The following UTS2B variants were observed in gnomAD, a reference collection of about 807,000 sequenced individuals.
The protein encoded by UTS2B is urotensin-2B.
In UTS2B, 21 loss-of-function variants were observed where a neutral mutation model predicts 19.2. The observed-to-expected ratio is 1.09, with a 90% CI of 0.78 to 1.58. UTS2B has a LOEUF of 1.58. Among genes scored for constraint, UTS2B ranks in the 40% most tolerant of loss-of-function variants. UTS2B has a pLI of 0.00. For missense variants in UTS2B, 138 were observed against 130.3 expected (o/e 1.06, Z -0.29); for synonymous variants, 57 against 50.2 (o/e 1.14, Z -0.58).
chr3:191,332,419 A>T (rs377128458), upstream of UTS2B, among the ~76,000 whole-genome samples: 44 of 152,328 alleles, frequency 2.9e-4, no homozygotes, highest in East Asian at 6.6e-3. Context: ...GTGTCAACAC[A>T]TCATTTTTTC....
chr3:191,287,507 A>G lies in UTS2B; in HGVS notation c.-124-5194T>C, dbSNP rs551741807. 3.9e-5 allele frequency among the ~76,000 whole-genome samples: 6 copies of G among 152,220 alleles called. No homozygotes were observed. The South Asian group carries it at 1.2e-3, about 32-fold the overall frequency. On this transcript the variant is annotated intron_variant, in intron 4 of 8. Transcript: ENST00000340524. ...ATCGAACGAAGAACAAAACTATACA[A>G]TAATTTCAACAGATGCAGAAAAAAC...
chr3:191,303,985 T>C (rs886438477), intron 4 of UTS2B, among the ~76,000 whole-genome samples: 1 of 152,042 alleles, frequency 6.6e-6, no homozygotes, highest in Admixed American at 6.5e-5. Context: ...TTTTTTCTTT[T>C]CTGAGATGGA....
At chr3:191,286,160 T>C (rs1249453687) in intron 4 of UTS2B, among the ~76,000 whole-genome samples, 1 of 152,076 alleles carries the variant, frequency 6.6e-6, no homozygotes, top group Non-Finnish European at 1.5e-5. Flanking sequence ...AAGAGAGAGA[T>C]CAGCTATAAT....
the UTS2B span, among the ~76,000 whole-genome samples, chr3:191,342,440 G>C: frequency 6.6e-6 from 1 of 152,076 alleles, no homozygotes; most frequent in Non-Finnish European, 1.5e-5. Flanking sequence ...TTTGAAAATG[G>C]AAATATCTGA....
chr3:191,275,402 C>T (rs113509375), intron 7 of UTS2B, 57 bp from the exon 8 acceptor site: 74 of 1,443,502 alleles, frequency 5.1e-5, no homozygotes, highest in African/African-American at 3.8e-4. Flanking sequence ...TGCTGTTGAC[C>T]GGGCGCGGTG....
At position 191,289,723 on chromosome 3, in the gene UTS2B, G is replaced by A. The variant is rs1212463526; in HGVS notation, c.-124-7410C>T. Among the ~76,000 whole-genome samples the A allele has an allele frequency of 2.6e-5, 4 of 152,120 alleles. No individual in the cohort carries two copies. In the South Asian group the frequency reaches 6.2e-4, roughly 24 times the overall value. On this transcript the variant is annotated intron_variant, in intron 4 of 8. Coordinates refer to ENST00000340524, the MANE Select transcript of UTS2B (RefSeq NM_198152.5). ...TTATTTGTCATAATTTCACTTTTAT[G>A]TGGAATCTAAGAAAATGTGAACTAT... is the stretch of plus-strand genomic sequence containing the variant.
rs151322256 is a variant in UTS2B at position 191,322,194 on chromosome 3, C to T, written c.-585-5755G>A. 4.8e-3 allele frequency among the ~76,000 whole-genome samples: 722 copies of T among 151,944 alleles called. 2 individuals carry two copies. The highest frequency in any genetic ancestry group is 0.016 in the African/African-American group (680 of 41,400). ...AAACATTTTAGGTAGAGTTGCTAGC[C>T]CATAACTATTTCCAATAATTGGCAG... On this transcript the variant is annotated intron_variant, in intron 2 of 8. Transcript: ENST00000340524.
chr3:191,283,530 G>C (rs1716449041), intron 4 of UTS2B, among the ~76,000 whole-genome samples: 1 of 151,834 alleles, frequency 6.6e-6, no homozygotes, highest in Non-Finnish European at 1.5e-5. Flanking sequence ...TTATGTATTT[G>C]CGAGTCTGCC....
chr3:191,339,351 A>G, the UTS2B span, among the ~76,000 whole-genome samples: 3 of 152,208 alleles, frequency 2.0e-5, no homozygotes, highest in Non-Finnish European at 4.4e-5. Context: ...CAAGGGAGTT[A>G]TGATATAAAA....
chr3:191,311,114 T>A (rs1717289838), intron 3 of UTS2B, among the ~76,000 whole-genome samples: 1 of 152,222 alleles, frequency 6.6e-6, no homozygotes, highest in South Asian at 2.1e-4. Flanking sequence ...CAGACTGGGA[T>A]CAAAACTCCA....
intron 4 of UTS2B, among the ~76,000 whole-genome samples, chr3:191,284,112 G>T (rs1435279033): frequency 2.6e-5 from 4 of 151,930 alleles, no homozygotes; most frequent in South Asian, 2.1e-4. Flanking sequence ...AATGAAATTG[G>T]AAATTTAGAT....
At chr3:191,329,324 TCCCCCTCCCCCAGCCGGCCCGCC>T (rs982014274) in intron 1 of UTS2B, 21 of 258,058 alleles carry the variant, frequency 8.1e-5, no homozygotes, top group Non-Finnish European at 1.4e-4. Context: ...GACCTGCAGC[TCCCCCTCCCCCAGCCGGCCCGCC>T]CGCCTTTCTG....
intron 3 of UTS2B, among the ~76,000 whole-genome samples, 177 bp from the exon 4 acceptor site, chr3:191,304,725 G>A (rs1382224323): frequency 6.6e-6 from 1 of 152,116 alleles, no homozygotes; most frequent in Non-Finnish European, 1.5e-5. Flanking sequence ...TTGTTACATA[G>A]GTAAAAGTGT....
intron 2 of UTS2B, among the ~76,000 whole-genome samples, chr3:191,324,999 G>A (rs1040479581): frequency 2.6e-5 from 4 of 152,034 alleles, no homozygotes; most frequent in African/African-American, 7.2e-5. Context: ...GCAGTGAACC[G>A]AGATTGTGCC....
upstream of UTS2B, among the ~76,000 whole-genome samples, chr3:191,334,732 T>C (rs1718087783): frequency 1.3e-5 from 2 of 152,198 alleles, no homozygotes; most frequent in East Asian, 1.9e-4. Flanking sequence ...TTTTAAATTG[T>C]TCTGTAGATG....
Position 191,287,832 on chromosome 3 carries a change from A to G in UTS2B, c.-124-5519T>C, listed in dbSNP as rs144964126. On this transcript the variant is annotated intron_variant, in intron 4 of 8. Transcript: ENST00000340524. ...AAAGAAAGAAAGGAAAGACATCCAT[A>G]TAGGAAAGGAAGAAGTTAAATTGTC... 5.5e-3 allele frequency among the ~76,000 whole-genome samples: 840 copies of G among 152,218 alleles called. 11 individuals carry two copies. Among genetic ancestry groups the G allele is most frequent in the African/African-American group, 0.019 (772 of 41,582 alleles).
chr3:191,307,717 C>G (rs1717178206), intron 3 of UTS2B, among the ~76,000 whole-genome samples: 1 of 152,176 alleles, frequency 6.6e-6, no homozygotes, highest in Non-Finnish European at 1.5e-5. Flanking sequence ...AGCAGGGAAT[C>G]TGGAATCTCC....
At chr3:191,289,242 T>C (rs1716640841) in intron 4 of UTS2B, among the ~76,000 whole-genome samples, 1 of 151,884 alleles carries the variant, frequency 6.6e-6, no homozygotes, top group East Asian at 1.9e-4. Flanking sequence ...ACCCCATCTC[T>C]ACTAAAAATA....
chr3:191,317,869 C>T (rs772975137), intron 2 of UTS2B, among the ~76,000 whole-genome samples: 5 of 152,168 alleles, frequency 3.3e-5, no homozygotes, highest in Non-Finnish European at 7.4e-5. Flanking sequence ...CATGAGCCAT[C>T]GCACCCGGCC....
Sources: gnomAD v4.1 joint callset for allele counts (sites outside exome capture counted in the v4.1 genomes callset) on GRCh38, gnomAD v4.1.1 for gene constraint, MANE v1.5 for transcripts, NCBI Gene and HGNC (gene_info 2026-07-23, HGNC 2026-07-21) for gene names.